Variants in MTERF4 observed in about 807,000 individuals in gnomAD.
MTERF4 encodes the protein mitochondrial transcription termination factor 4, also known as transcription termination factor 4, mitochondrial.
Under a neutral mutation model 22.5 loss-of-function variants are expected in MTERF4, and 17 were observed. The observed-to-expected ratio is 0.75, with a 90% CI of 0.52 to 1.13. The LOEUF (loss-of-function observed/expected upper bound fraction) is 1.13, where lower values mean the gene tolerates loss of function less well. MTERF4 is among the 50% of genes most tolerant of loss of function. The pLI is 0.00. For synonymous variants in MTERF4, 165 were observed against 175.3 expected, an observed-to-expected ratio of 0.94 and a Z score of 0.47; for missense variants, 420 against 466.8, an observed-to-expected ratio of 0.90 and a Z score of 0.92.
At chr2:241,066,690 C>T in the MTERF4 span, among the ~76,000 whole-genome samples, 19 of 152,068 alleles carry the variant, frequency 1.2e-4, no homozygotes, top group African/African-American at 3.6e-4. Flanking sequence ...CAGGGCCCTG[C>T]GGGGCGGCCA....
intron 4 of MTERF4, among the ~76,000 whole-genome samples, chr2:241,078,155 C>T (rs528505147): frequency 8.1e-4 from 123 of 152,006 alleles, no homozygotes; most frequent in Non-Finnish European, 1.4e-3. Flanking sequence ...GAGGCCGAGG[C>T]GGGCAGATCA....
rs774490557 is a variant in MTERF4, at chr2:241,099,817, T to C, written c.99A>G (p.Arg33=). 8 of 1,614,064 alleles carry C rather than the reference T, an allele frequency of 5.0e-6. No individual in the cohort carries two copies. Among genetic ancestry groups the C allele is most frequent in the East Asian group, 4.5e-5 (2 of 44,876 alleles). ...TGCGCAACAAAGAAGCTGTCGTCCT[T>C]CTCTGTTCTCCAAGATGAGGAGTCT... ...ARQTPHLGEQ[R]RTTASLLRKL... The change falls in exon 2 of 4, where the codon AGA becomes AGG. Residue 33 remains arginine, a synonymous_variant. Transcript: ENST00000391980.
chr2:241,064,118 C>T, the MTERF4 span: 6 of 1,557,188 alleles, frequency 3.9e-6, no homozygotes, highest in African/African-American at 2.7e-5. This position sits in a 1 kb window ranked among gnomAD's most constrained non-coding sequence, Gnocchi z 7.0. Flanking sequence ...GCTACCACTG[C>T]GAGACAGGTA....
the MTERF4 span, among the ~76,000 whole-genome samples, chr2:241,058,134 G>A: frequency 2.7e-3 from 413 of 152,244 alleles, 4 homozygotes; most frequent in African/African-American, 9.1e-3. Flanking sequence ...CAAAGCTGGC[G>A]TATTAGCTAT....
At chr2:241,051,380 C>T in the MTERF4 span, 1 of 218,592 alleles carries the variant, frequency 4.6e-6, no homozygotes, top group Non-Finnish European at 8.9e-6. The surrounding 1 kb of genome is among the most constrained non-coding windows in gnomAD (Gnocchi z 4.7). Context: ...GCAGATGAGA[C>T]TCAGCTGCTT....
At chr2:241,097,676 C>G (rs1291474341) in intron 2 of MTERF4, among the ~76,000 whole-genome samples, 1 of 152,164 alleles carries the variant, frequency 6.6e-6, no homozygotes, top group Non-Finnish European at 1.5e-5. Flanking sequence ...TTCTGGCCTC[C>G]CACCTGAAAG....
rs370420507 is a variant in MTERF4 at position 241,073,288 on chromosome 2, C to G, written n.2874G>C. On this transcript the variant is annotated non_coding_transcript_exon_variant, in exon 5 of 5. Coordinates refer to the MTERF4 transcript ENST00000464344. This position sits in a 1 kb window ranked among gnomAD's most constrained non-coding sequence, Gnocchi z 6.6. The stretch of plus-strand genomic sequence containing the variant: ...TAGAACCCACAGCCTCGGCGCAGCT[C>G]GAGAACATGGAGGAAGCCCCCAAGC... 9.0e-6 allele frequency: 14 copies of G among 1,563,844 alleles called. No homozygotes were observed. In the African/African-American group the frequency reaches 1.6e-4, roughly 18 times the overall value.
In MTERF4 at chr2:241,073,701, C is replaced by G. The variant is rs979631495; in HGVS notation, n.2461G>C. On this transcript the variant is annotated non_coding_transcript_exon_variant, in exon 5 of 5. Transcript: ENST00000464344. This position sits in a 1 kb window ranked among gnomAD's most constrained non-coding sequence, Gnocchi z 6.6. Reference sequence around the variant, plus strand: ...GCCCACCCCAGCCCCTGCCTCTGGGCCCCTCACCCCTCACTTCTCCAAAGA... The same window carrying G: ...GCCCACCCCAGCCCCTGCCTCTGGGGCCCTCACCCCTCACTTCTCCAAAGA... 4 of 454,758 alleles carry G rather than the reference C, an allele frequency of 8.8e-6. No individual in the cohort carries two copies. The highest frequency in any genetic ancestry group is 3.7e-5 in the Admixed American group (1 of 27,166). 28.2% of individuals were successfully genotyped at this position (454,758 alleles called of 1,614,324 possible).
intron 4 of MTERF4, among the ~76,000 whole-genome samples, chr2:241,078,743 T>C (rs1046898471): frequency 6.6e-6 from 1 of 151,834 alleles, no homozygotes; most frequent in Non-Finnish European, 1.5e-5. Flanking sequence ...TCTGTGAATA[T>C]GCTTAAAACC....
the MTERF4 span, chr2:241,053,404 G>A: frequency 3.5e-6 from 5 of 1,423,464 alleles, no homozygotes; most frequent in Non-Finnish European, 4.7e-6. Flanking sequence ...GAGCACAGGG[G>A]CTGCAGGCCC....
chr2:241,043,838 T>C, the MTERF4 span, among the ~76,000 whole-genome samples: 2 of 152,168 alleles, frequency 1.3e-5, no homozygotes, highest in Non-Finnish European at 2.9e-5. Flanking sequence ...AATGAATAGG[T>C]ATGGCTGTGT....
downstream of MTERF4, chr2:241,091,721 A>AG (rs1240334739): frequency 6.6e-6 from 1 of 152,288 alleles, no homozygotes; most frequent in Admixed American, 6.5e-5. This position sits in a 1 kb window ranked among gnomAD's most constrained non-coding sequence, Gnocchi z 4.1. Flanking sequence ...TGGATGAAAA[A>AG]GGACACCCTG....
chr2:241,053,197 C>T, the MTERF4 span: 1 of 1,611,020 alleles, frequency 6.2e-7, no homozygotes, highest in Non-Finnish European at 8.5e-7. Context: ...CGCCACACTG[C>T]GCTTCAACGG....
downstream of MTERF4, chr2:241,070,247 G>GCCCTCCA: frequency 1.9e-6 from 3 of 1,549,898 alleles, no homozygotes; most frequent in Non-Finnish European, 2.6e-6. Context: ...GTGTTTGCCA[G>GCCCTCCA]CCCTCCACCC....
At chr2:241,078,257 C>T (rs1034148047) in intron 4 of MTERF4, among the ~76,000 whole-genome samples, 2 of 151,538 alleles carry the variant, frequency 1.3e-5, no homozygotes, top group Admixed American at 1.3e-4. Flanking sequence ...GTGGCGGGCG[C>T]CTGTAGTCCC....
chr2:241,074,696 T>C (rs2062938290), exon 5 of MTERF4: 1 of 152,208 alleles, frequency 6.6e-6, no homozygotes, highest in African/African-American at 2.4e-5. Context: ...GTAGACTCTT[T>C]AATGGCCCCT....
the MTERF4 span, chr2:241,064,849 G>A: frequency 6.3e-7 from 1 of 1,585,574 alleles, no homozygotes; most frequent in Non-Finnish European, 8.5e-7. This position sits in a 1 kb window ranked among gnomAD's most constrained non-coding sequence, Gnocchi z 7.0. Context: ...CTCAGTGAGT[G>A]ACCCCTGCTT....
At chr2:241,060,371 C>T in the MTERF4 span, among the ~76,000 whole-genome samples, 2 of 152,058 alleles carry the variant, frequency 1.3e-5, no homozygotes, top group Non-Finnish European at 2.9e-5. Flanking sequence ...CTAATAGAGA[C>T]GGGGTTTCAC....
At chr2:241,069,978 G>C (rs754451585), downstream of MTERF4, 1 of 1,613,000 alleles carries the variant, frequency 6.2e-7, no homozygotes, top group South Asian at 1.1e-5. This position sits in a 1 kb window ranked among gnomAD's most constrained non-coding sequence, Gnocchi z 4.9. Context: ...CTGCCCACGT[G>C]GTCTGGGATG....
Sources: gnomAD v4.1 joint callset for allele counts (sites outside exome capture counted in the v4.1 genomes callset) on GRCh38, gnomAD v4.1.1 for gene constraint, Gnocchi (gnomAD v3.1) non-coding constraint, MANE v1.5 for transcripts, NCBI Gene and HGNC (gene_info 2026-07-23, HGNC 2026-07-21) for gene names.